The following IMPA2 variants were observed in gnomAD, a reference collection of about 807,000 sequenced individuals.
The protein encoded by IMPA2 is IMP 2.
Under a neutral mutation model 35.1 loss-of-function variants are expected in IMPA2, and 32 were observed. That is an observed-to-expected ratio of 0.91 (90% CI 0.69 to 1.23). The LOEUF is 1.23. Among genes scored for constraint, IMPA2 ranks in the 50% most tolerant of loss-of-function variants. The probability of loss-of-function intolerance (pLI) is 0.00; values close to 1 mark genes in which losing one functional copy is unlikely to be tolerated. For missense variants in IMPA2, 334 were observed against 387.6 expected (o/e 0.86, Z 1.16); for synonymous variants, 135 against 160.6 (o/e 0.84, Z 1.20).
chr18:12,024,855 G>A (rs374582874), intron 5 of IMPA2, among the ~76,000 whole-genome samples: 8 of 149,972 alleles, frequency 5.3e-5, no homozygotes, highest in Admixed American at 1.3e-4. Flanking sequence ...CCCCACACAC[G>A]TACAGCCTCC....
At chr18:12,002,330 G>A (rs1487509118) in intron 2 of IMPA2, among the ~76,000 whole-genome samples, 2 of 152,102 alleles carry the variant, frequency 1.3e-5, no homozygotes, top group Non-Finnish European at 2.9e-5. Flanking sequence ...TTCATGAAAT[G>A]ATATTAAAAA....
chr18:12,025,009 T>G (rs1356005449), intron 5 of IMPA2, among the ~76,000 whole-genome samples: 1 of 152,226 alleles, frequency 6.6e-6, no homozygotes, highest in African/African-American at 2.4e-5. Flanking sequence ...ATATTTTCGC[T>G]GCCCTAAAAA....
chr18:12,015,488 C>A (rs933012573), intron 5 of IMPA2, among the ~76,000 whole-genome samples: 19 of 151,258 alleles, frequency 1.3e-4, no homozygotes, highest in Non-Finnish European at 1.8e-4. Flanking sequence ...AGGAAAGTGG[C>A]GGGCCAGGAT....
intron 1 of IMPA2, among the ~76,000 whole-genome samples, chr18:11,990,359 A>C (rs58386826): frequency 6.6e-6 from 1 of 151,530 alleles, no homozygotes; most frequent in South Asian, 2.1e-4. Flanking sequence ...GTCTTTAGAA[A>C]AAAAGCAGGA....
intron 5 of IMPA2, 116 bp from the exon 6 acceptor site, chr18:12,027,927 A>AC: frequency 1.5e-6 from 1 of 665,308 alleles, no homozygotes; most frequent in Admixed American, 2.7e-5. Context: ...TTCAGCATGA[A>AC]CCAGTCGAAA....
At chr18:12,020,482 T>G (rs1907698959) in intron 5 of IMPA2, among the ~76,000 whole-genome samples, 1 of 152,206 alleles carries the variant, frequency 6.6e-6, no homozygotes, top group South Asian at 2.1e-4. Flanking sequence ...CATGAGCCAC[T>G]GTGACTGGCC....
intron 2 of IMPA2, among the ~76,000 whole-genome samples, chr18:12,002,227 C>T (rs944566306): frequency 6.6e-6 from 1 of 152,002 alleles, no homozygotes; most frequent in African/African-American, 2.4e-5. Context: ...TTAAATATAT[C>T]CCTTAAACAA....
At chr18:11,985,147 CAAAA>C (rs60194371) in intron 1 of IMPA2, among the ~76,000 whole-genome samples, 5,740 of 80,554 alleles carry the variant, frequency 0.071, 298 homozygotes, top group African/African-American at 0.21. Flanking sequence ...AACTCTGTCT[CAAAA>C]AAAAAAAAAA....
rs762365878 is a variant in IMPA2 at position 12,008,937 on chromosome 18, C to T, written c.231-946C>T. Among the ~76,000 whole-genome samples the T allele has an allele frequency of 8.2e-4, 124 of 152,060 alleles. 1 individual carries two copies. Among genetic ancestry groups the T allele is most frequent in the Non-Finnish European group, 1.1e-3 (77 of 67,990 alleles). On this transcript the variant is annotated intron_variant, in intron 2 of 7. Coordinates refer to ENST00000269159, the MANE Select transcript of IMPA2 (RefSeq NM_014214.3). ...CCTGCTGCAGAGTGCAGGAGCAGGC[C>T]GCCCATGTCCCTCTAGCAGGAATGT...
intron 1 of IMPA2, 71 bp downstream of exon 1, chr18:11,981,836 T>G: frequency 9.6e-7 from 1 of 1,042,052 alleles, no homozygotes. Context: ...CCGCCTGGAG[T>G]GGCGGGGTCC....
At chr18:12,029,117 T>C in intron 7 of IMPA2, 124 bp downstream of exon 7, 1 of 890,582 alleles carries the variant, frequency 1.1e-6, no homozygotes, top group Admixed American at 3.1e-5. Context: ...TGTTTTTTTT[T>C]TTTTTTTTTT....
intron 1 of IMPA2, among the ~76,000 whole-genome samples, chr18:11,987,566 A>G (rs1264561782): frequency 6.6e-6 from 1 of 152,052 alleles, no homozygotes; most frequent in African/African-American, 2.4e-5. Context: ...CCTGACCTCA[A>G]GTGGTCCACC....
At chr18:11,993,130 A>G (rs1036548603) in intron 1 of IMPA2, among the ~76,000 whole-genome samples, 15 of 152,182 alleles carry the variant, frequency 9.9e-5, no homozygotes, top group Non-Finnish European at 2.1e-4. Flanking sequence ...AGACCTTTTC[A>G]TACAATACCT....
In IMPA2 at chr18:12,028,984, G is replaced by A. The variant is rs1907964619; in HGVS notation, c.742G>A (p.Asp248Asn). The stretch of plus-strand genomic sequence containing the variant: ...CAGAGAAGCAGGCGGCATCGTGATA[G>A]ACACTTCGGGTGAGCTCTCCTGTCC... ...IIREAGGIVIDTSGGPLDLMA... is the reference protein window; with the variant it reads ...IIREAGGIVINTSGGPLDLMA... Residue 248 changes from aspartate (D) to asparagine (N), a missense_variant, in exon 7 of 8, where the codon GAC becomes AAC. Coordinates refer to ENST00000269159, the MANE Select transcript of IMPA2 (RefSeq NM_014214.3). 1 of 1,613,214 alleles carries A rather than the reference G, an allele frequency of 6.2e-7. No individual in the cohort carries two copies. Among genetic ancestry groups the A allele is most frequent in the African/African-American group, 1.3e-5 (1 of 74,896 alleles).
At chr18:11,989,114 TC>T (rs1258044787) in intron 1 of IMPA2, among the ~76,000 whole-genome samples, 1 of 152,206 alleles carries the variant, frequency 6.6e-6, no homozygotes. Flanking sequence ...TAGGGCCATG[TC>T]CCGGACAGGA....
intron 6 of IMPA2, chr18:12,028,468 TC>T (rs1227321971): frequency 2.3e-6 from 1 of 441,792 alleles, no homozygotes. Flanking sequence ...GACAGGTTTA[TC>T]AAAGCCCAGT....
intron 1 of IMPA2, among the ~76,000 whole-genome samples, chr18:11,992,381 A>G (rs1345289751): frequency 1.3e-5 from 2 of 152,234 alleles, no homozygotes; most frequent in Admixed American, 6.5e-5. Flanking sequence ...TGGATGATGC[A>G]CAGGGCCTGG....
intron 5 of IMPA2, among the ~76,000 whole-genome samples, chr18:12,016,938 A>G (rs1184358668): frequency 6.6e-6 from 1 of 152,176 alleles, no homozygotes. Context: ...CACAAAACCA[A>G]TCAAGTCATG....
At chr18:12,006,742 C>A (rs1409178689) in intron 2 of IMPA2, among the ~76,000 whole-genome samples, 2 of 152,182 alleles carry the variant, frequency 1.3e-5, no homozygotes, top group Non-Finnish European at 1.5e-5. Flanking sequence ...CTCTGCATCC[C>A]AGGCATGAAC....
Sources: allele counts gnomAD v4.1 joint callset (sites outside exome capture counted in the v4.1 genomes callset), GRCh38; gene constraint gnomAD v4.1.1; transcripts MANE v1.5; gene names NCBI Gene and HGNC (gene_info 2026-07-23, HGNC 2026-07-21).